LRRTM4: variants seen among roughly 807,000 people sequenced by gnomAD.
The protein encoded by LRRTM4 is leucine rich repeat transmembrane neuronal 4, also known as leucine-rich repeat transmembrane neuronal protein 4.
LRRTM4 carries 25 observed loss-of-function variants against 47.6 expected under a neutral mutation model. The ratio of observed to expected loss-of-function variants is 0.53; its 90% CI spans 0.38 to 0.73. The LOEUF is 0.73. Ranked by LOEUF, LRRTM4 falls within the 30% of genes least tolerant of loss-of-function variation. LRRTM4 has a pLI of 0.00. For synonymous variants in LRRTM4, 311 were observed against 269.5 expected (o/e 1.15, Z -1.51); for missense variants, 638 against 713.4 (o/e 0.89, Z 1.20).
chr2:76,960,834 A>T (rs1209652287), intron 3 of LRRTM4, among the ~76,000 whole-genome samples: 1 of 151,548 alleles, frequency 6.6e-6, no homozygotes, highest in Non-Finnish European at 1.5e-5. Context: ...ATTTAAAATG[A>T]GAAATATATT....
intron 3 of LRRTM4, among the ~76,000 whole-genome samples, chr2:76,870,400 C>A (rs184826772): frequency 6.6e-6 from 1 of 152,164 alleles, no homozygotes; most frequent in East Asian, 1.9e-4. Flanking sequence ...CATAACACCC[C>A]AAATGCCAAT....
intron 3 of LRRTM4, among the ~76,000 whole-genome samples, chr2:77,285,340 T>TTATATATATATATATGTA (rs1676622518): frequency 1.2e-5 from 1 of 82,590 alleles, no homozygotes; most frequent in African/African-American, 4.2e-5. Flanking sequence ...AGCATTAAAT[T>TTATATATATATATATGTA]TATATATATA....
chr2:76,761,557 T>A (rs983863057), intron 3 of LRRTM4, among the ~76,000 whole-genome samples: 1 of 152,242 alleles, frequency 6.6e-6, no homozygotes, highest in Non-Finnish European at 1.5e-5. Context: ...TTCAGTCAGC[T>A]GGAGAACTCC....
intron 3 of LRRTM4, among the ~76,000 whole-genome samples, chr2:76,914,294 T>A (rs1674170577): frequency 6.6e-6 from 1 of 152,094 alleles, no homozygotes; most frequent in African/African-American, 2.4e-5. Context: ...ATGTCATTTT[T>A]AAATTTATTT....
At chr2:77,481,576 A>G (rs1039393287) in intron 3 of LRRTM4, among the ~76,000 whole-genome samples, 3 of 151,400 alleles carry the variant, frequency 2.0e-5, no homozygotes, top group South Asian at 2.1e-4. Flanking sequence ...AAGCCAGAGA[A>G]AAAAAAAAGC....
intron 3 of LRRTM4, among the ~76,000 whole-genome samples, chr2:77,215,605 T>C (rs558969263): frequency 2.9e-4 from 44 of 152,292 alleles, no homozygotes; most frequent in African/African-American, 9.6e-4. Flanking sequence ...TATTGAAGAC[T>C]TATTTTTGGG....
chr2:76,826,292 G>C (rs1197615783), intron 3 of LRRTM4, among the ~76,000 whole-genome samples: 5 of 151,620 alleles, frequency 3.3e-5, no homozygotes, highest in Non-Finnish European at 7.4e-5. Context: ...GCTTAATAGA[G>C]TAGGAAAGAA....
At chr2:77,046,412 C>A (rs768859453) in intron 3 of LRRTM4, among the ~76,000 whole-genome samples, 4 of 151,974 alleles carry the variant, frequency 2.6e-5, no homozygotes, top group South Asian at 4.1e-4. Context: ...TCTTTGGGAA[C>A]TGGAAGTTTA....
At chr2:77,260,950 T>C (rs1394908636) in intron 3 of LRRTM4, among the ~76,000 whole-genome samples, 1 of 152,020 alleles carries the variant, frequency 6.6e-6, no homozygotes, top group Non-Finnish European at 1.5e-5. Context: ...TAGTCTCCTA[T>C]ATTCACATAT....
chr2:77,278,668 T>A (rs145960600), intron 3 of LRRTM4, among the ~76,000 whole-genome samples: 118 of 152,142 alleles, frequency 7.8e-4, no homozygotes, highest in African/African-American at 2.6e-3. Context: ...TATCCCCATA[T>A]AGCTGAAGAG....
chr2:77,285,340 T>TTGTATATATATATATA (rs1553422162), intron 3 of LRRTM4, among the ~76,000 whole-genome samples: 1 of 82,590 alleles, frequency 1.2e-5, no homozygotes, highest in East Asian at 5.1e-4. Context: ...AGCATTAAAT[T>TTGTATATATATATATA]TATATATATA....
chr2:77,377,417 G>A (rs1311162290), intron 3 of LRRTM4, among the ~76,000 whole-genome samples: 2 of 151,842 alleles, frequency 1.3e-5, no homozygotes. Context: ...GCAGATAATA[G>A]TTGGATATAC....
At chr2:76,770,770 C>T (rs1011242037) in intron 3 of LRRTM4, among the ~76,000 whole-genome samples, 4 of 152,170 alleles carry the variant, frequency 2.6e-5, no homozygotes, top group African/African-American at 9.6e-5. Context: ...CCCAGTAGTA[C>T]AATTGAAACA....
chr2:77,158,707 G>T (rs534491001), intron 3 of LRRTM4, among the ~76,000 whole-genome samples: 197 of 150,944 alleles, frequency 1.3e-3, no homozygotes, highest in Non-Finnish European at 1.9e-3. Flanking sequence ...ATCTTATTTT[G>T]TACTAGAAAG....
rs138690901 is a variant in LRRTM4, at chr2:77,296,873, G to A, written c.1551+221445C>T. On this transcript the variant is annotated intron_variant, in intron 3 of 3. Transcript: ENST00000409884. ...AAAGGAATTCCTGTCCACTTTTCTC[G>A]TTCTGAGTTAAGATGCATAGTGACA... is the stretch of plus-strand genomic sequence containing the variant. Among the ~76,000 whole-genome samples the A allele has an allele frequency of 6.1e-3, 933 of 152,198 alleles. 11 individuals are homozygous for A. Among genetic ancestry groups the A allele is most frequent in the African/African-American group, 0.02 (846 of 41,522 alleles).
chr2:76,844,063 G>A (rs942288225), intron 3 of LRRTM4, among the ~76,000 whole-genome samples: 5 of 151,480 alleles, frequency 3.3e-5, no homozygotes, highest in African/African-American at 7.3e-5. Context: ...CAGCAAGCCC[G>A]GCTAATTTTT....
chr2:77,385,409 G>A (rs415838), intron 3 of LRRTM4, among the ~76,000 whole-genome samples: 49,154 of 151,972 alleles, frequency 0.32, 8,937 homozygotes, highest in East Asian at 0.53. Flanking sequence ...AGATTCACTG[G>A]TAAGGAAAAA....
Position 76,979,696 on chromosome 2 carries a change from C to CGATAGATA in LRRTM4, c.1552-230788_1552-230781dup, listed in dbSNP as rs71376811. ...TCACAGCTTTCAATTAGAGTATAAGCGATAGATAGATAGATAGATAGATAG... is the reference window on the plus strand; with the variant it reads ...TCACAGCTTTCAATTAGAGTATAAGCGATAGATAGATAGATAGATAGATAGATAGATAG... On this transcript the variant is annotated intron_variant, in intron 3 of 3. Transcript: ENST00000409884. Among the ~76,000 whole-genome samples, 361 of 146,538 alleles carry CGATAGATA rather than the reference C, an allele frequency of 2.5e-3. 1 individual carries two copies. The highest frequency in any genetic ancestry group is 6.0e-3 in the South Asian group (28 of 4,632).
chr2:77,409,592 T>A (rs1463116391), intron 3 of LRRTM4, among the ~76,000 whole-genome samples: 1 of 152,190 alleles, frequency 6.6e-6, no homozygotes, highest in African/African-American at 2.4e-5. Context: ...TGTGTGTTTG[T>A]TTCACTTTAA....
Sources: allele counts gnomAD v4.1 joint callset (sites outside exome capture counted in the v4.1 genomes callset), GRCh38; gene constraint gnomAD v4.1.1; transcripts MANE v1.5; gene names NCBI Gene and HGNC (gene_info 2026-07-23, HGNC 2026-07-21).